SEL1L3: variants seen among roughly 807,000 people sequenced by gnomAD.
The protein encoded by SEL1L3 is SEL1L family member 3.
SEL1L3 carries 76 observed loss-of-function variants against 142.8 expected under a neutral mutation model. The ratio of observed to expected loss-of-function variants is 0.53; its 90% CI spans 0.44 to 0.64. The LOEUF is 0.64. SEL1L3 is among the 30% of genes least tolerant of loss of function. The pLI is 0.00. For missense variants in SEL1L3, 1,262 were observed against 1,381.7 expected, an observed-to-expected ratio of 0.91 and a Z score of 1.37; for synonymous variants, 504 against 519.6, an observed-to-expected ratio of 0.97 and a Z score of 0.41.
chr4:25,817,985 C>A (rs1714502048), intron 9 of SEL1L3, among the ~76,000 whole-genome samples, 153 bp downstream of exon 9: 1 of 152,094 alleles, frequency 6.6e-6, no homozygotes, highest in Admixed American at 6.5e-5. Context: ...GAGTTGTGGA[C>A]ATACAAAGGC....
chr4:25,806,744 T>C (rs1423624793), intron 9 of SEL1L3, among the ~76,000 whole-genome samples: 1 of 152,064 alleles, frequency 6.6e-6, no homozygotes, highest in African/African-American at 2.4e-5. Flanking sequence ...GCTTTTTTGA[T>C]CCCAAGTACC....
At chr4:25,743,645 TG>T (rs893428782), downstream of SEL1L3, among the ~76,000 whole-genome samples, 2 of 152,102 alleles carry the variant, frequency 1.3e-5, no homozygotes, top group African/African-American at 4.8e-5. Flanking sequence ...AGAGACAAAC[TG>T]TTGCATTGTT....
At chr4:25,779,293 AT>A in intron 15 of SEL1L3, 90 bp from the exon 16 acceptor site, 1 of 1,417,890 alleles carries the variant, frequency 7.1e-7, no homozygotes, top group Non-Finnish European at 9.7e-7. Flanking sequence ...GCCTGATATG[AT>A]TACAGGCTTA....
At chr4:25,778,957 T>A in intron 16 of SEL1L3, 119 bp downstream of exon 16, 2 of 803,248 alleles carry the variant, frequency 2.5e-6, no homozygotes, top group East Asian at 5.6e-5. Context: ...TTACATGACT[T>A]TTAAAACTAC....
At chr4:25,832,426 G>A (rs1304673371) in intron 5 of SEL1L3, among the ~76,000 whole-genome samples, 3 of 152,194 alleles carry the variant, frequency 2.0e-5, no homozygotes, top group South Asian at 4.1e-4. Flanking sequence ...TAAAATTCAT[G>A]TTATGAGAGT....
rs1413116876 is a variant in SEL1L3 at position 25,757,691 on chromosome 4, G to A, written c.3183C>T (p.Ala1061=). The A allele has an allele frequency of 1.3e-6, 2 of 1,587,716 alleles. No homozygotes were observed. The highest frequency in any genetic ancestry group is 1.7e-6 in the Non-Finnish European group (2 of 1,167,336). ...GCCGGTGGGACATGAAACCTACCAGGGCTGAGTGCAGGATAGCACCCCAGA... is the reference window on the plus strand; with the variant it reads ...GCCGGTGGGACATGAAACCTACCAGAGCTGAGTGCAGGATAGCACCCCAGA... ...RLLWGAILHS[A]LIYFLGTFLL... The change falls in exon 22 of 24, where the codon GCC becomes GCT. Residue 1061 remains alanine, a synonymous_variant. Coordinates refer to ENST00000399878, the MANE Select transcript of SEL1L3 (RefSeq NM_015187.5).
At chr4:25,863,518 C>A (rs752358067), upstream of SEL1L3, 13 of 702,740 alleles carry the variant, frequency 1.8e-5, no homozygotes, top group Non-Finnish European at 2.6e-5. Context: ...GCCATTCCCG[C>A]AGGGCGCAGG....
chr4:25,764,190 G>A (rs141357881), intron 20 of SEL1L3, among the ~76,000 whole-genome samples: 226 of 152,242 alleles, frequency 1.5e-3, no homozygotes, highest in Middle Eastern at 3.4e-3. Flanking sequence ...TACCTAACAA[G>A]CATTCTTCAA....
chr4:25,802,383 C>T lies in SEL1L3; in HGVS notation c.1856G>A (p.Gly619Asp). 2 of 1,613,868 alleles carry T rather than the reference C, an allele frequency of 1.2e-6. No homozygotes were observed. The highest frequency in any genetic ancestry group is 1.1e-5 in the South Asian group (1 of 91,052). ...CCAGTCCAGGGGGTAGTTGTCAATA[C>T]CCTGGTAGTGTTTATACCCAAGATT... is the stretch of plus-strand genomic sequence containing the variant. ...SMNLGYKHYQ[G>D]IDNYPLDWEL... Residue 619 changes from glycine (G) to aspartate (D), a missense_variant, in exon 11 of 24, where the codon GGT becomes GAT. Physicochemically the swap from Gly to Asp is moderately conservative, Grantham distance 94 (BLOSUM62 -1). Coordinates refer to ENST00000399878, the MANE Select transcript of SEL1L3 (RefSeq NM_015187.5).
chr4:25,844,815 G>A lies in SEL1L3; in HGVS notation c.733+2479C>T, dbSNP rs141971614. ...GGTATTCCAGACAGATGCCTGCATG[G>A]GGCTCTGCCTGGAAGAGGGAGGCAC... On this transcript the variant is annotated intron_variant, in intron 2 of 23. Coordinates refer to ENST00000399878, the MANE Select transcript of SEL1L3 (RefSeq NM_015187.5). Among the ~76,000 whole-genome samples, 111 of 152,296 alleles carry A rather than the reference G, an allele frequency of 7.3e-4. 1 individual carries two copies. Among genetic ancestry groups the A allele is most frequent in the African/African-American group, 2.5e-3 (105 of 41,564 alleles).
At chr4:25,714,754 T>C in the SEL1L3 span, among the ~76,000 whole-genome samples, 57 of 151,894 alleles carry the variant, frequency 3.8e-4, no homozygotes, top group African/African-American at 1.4e-3. Context: ...TATTTTTTAG[T>C]CGAGATGGGG....
At chr4:25,768,101 G>A (rs899533499) in intron 17 of SEL1L3, among the ~76,000 whole-genome samples, 1 of 152,174 alleles carries the variant, frequency 6.6e-6, no homozygotes, top group African/African-American at 2.4e-5. Flanking sequence ...GATGTTGGCT[G>A]GGGAGTTGTC....
At chr4:25,764,410 T>A (rs950749024) in intron 20 of SEL1L3, among the ~76,000 whole-genome samples, 2 of 152,224 alleles carry the variant, frequency 1.3e-5, no homozygotes, top group Non-Finnish European at 2.9e-5. Flanking sequence ...AGTTTGACAA[T>A]GGCATTGCAG....
chr4:25,858,735 G>A (rs567148943), intron 1 of SEL1L3, among the ~76,000 whole-genome samples: 13 of 152,166 alleles, frequency 8.5e-5, no homozygotes, highest in Admixed American at 2.6e-4. Flanking sequence ...ATAGGTGCAC[G>A]CCACCACACC....
At chr4:25,736,243 G>GTGTGTGTGTGT in the SEL1L3 span, among the ~76,000 whole-genome samples, 32 of 148,372 alleles carry the variant, frequency 2.2e-4, no homozygotes, top group South Asian at 4.3e-4. Flanking sequence ...GTGTGTGTGT[G>GTGTGTGTGTGT]ATGGAGTTTT....
At chr4:25,763,500 C>T (rs1473813284) in intron 20 of SEL1L3, among the ~76,000 whole-genome samples, 1 of 152,042 alleles carries the variant, frequency 6.6e-6, no homozygotes, top group African/African-American at 2.4e-5. Context: ...GGGATTTTAA[C>T]CCAGGTACAT....
At chr4:25,779,266 GTGATGAGA>G in intron 15 of SEL1L3, 63 bp from the exon 16 acceptor site, 1 of 1,592,640 alleles carries the variant, frequency 6.3e-7, no homozygotes, top group Non-Finnish European at 8.6e-7. Context: ...CAGAGACAAG[GTGATGAGA>G]TGCTTTAAGC....
At chr4:25,845,305 G>A (rs919731987) in intron 2 of SEL1L3, among the ~76,000 whole-genome samples, 3 of 152,080 alleles carry the variant, frequency 2.0e-5, no homozygotes, top group African/African-American at 7.2e-5. Context: ...GACCAGCCTG[G>A]GCAACATAGG....
chr4:25,754,361 T>C (rs951421263), intron 23 of SEL1L3, among the ~76,000 whole-genome samples: 2 of 151,058 alleles, frequency 1.3e-5, no homozygotes, highest in African/African-American at 4.8e-5. Context: ...CTTTTTTTTT[T>C]TTTTTGACAC....
Sources: allele counts gnomAD v4.1 joint callset (sites outside exome capture counted in the v4.1 genomes callset), GRCh38; gene constraint gnomAD v4.1.1; transcripts MANE v1.5; gene names NCBI Gene and HGNC (gene_info 2026-07-23, HGNC 2026-07-21).